ARHGAP32: variants seen among roughly 807,000 people sequenced by gnomAD.
ARHGAP32 encodes the protein Rho GTPase activating protein 32.
Under a neutral mutation model 186.5 loss-of-function variants are expected in ARHGAP32, and 51 were observed. That is an observed-to-expected ratio of 0.27 (90% CI 0.22 to 0.35). ARHGAP32 has a LOEUF of 0.35. ARHGAP32 is among the 10% of genes least tolerant of loss of function. ARHGAP32 has a pLI of 1.00. For missense variants in ARHGAP32, 2,186 were observed against 2,623.5 expected (o/e 0.83, Z 3.64); for synonymous variants, 950 against 964.3 (o/e 0.99, Z 0.27).
intron 10 of ARHGAP32, among the ~76,000 whole-genome samples, chr11:129,052,985 G>A (rs911402785): frequency 1.3e-5 from 2 of 151,898 alleles, no homozygotes; most frequent in Non-Finnish European, 2.9e-5. Flanking sequence ...CAGCCATTTT[G>A]TCAATAATTT....
chr11:129,115,781 A>G (rs1380522274), intron 5 of ARHGAP32, among the ~76,000 whole-genome samples: 1 of 152,032 alleles, frequency 6.6e-6, no homozygotes, highest in Non-Finnish European at 1.5e-5. Flanking sequence ...CTCTCCCCCA[A>G]GCCATGTTTA....
At chr11:129,100,759 T>C (rs929719512) in intron 5 of ARHGAP32, among the ~76,000 whole-genome samples, 1 of 152,054 alleles carries the variant, frequency 6.6e-6, no homozygotes, top group Admixed American at 6.5e-5. Context: ...AGAAGGCACC[T>C]AGACCTGCGC....
intron 2 of ARHGAP32, among the ~76,000 whole-genome samples, chr11:129,159,395 C>T (rs1943481502): frequency 6.6e-6 from 1 of 152,104 alleles, no homozygotes; most frequent in African/African-American, 2.4e-5. Context: ...CACAGAAATA[C>T]AAACTACAAT....
At chr11:129,141,725 G>A (rs1278610795) in intron 2 of ARHGAP32, among the ~76,000 whole-genome samples, 1 of 148,792 alleles carries the variant, frequency 6.7e-6, no homozygotes, top group Non-Finnish European at 1.5e-5. Context: ...AAAACTCTCT[G>A]CATTGTAAAA....
intron 11 of ARHGAP32, among the ~76,000 whole-genome samples, chr11:129,012,984 G>C (rs493172): frequency 0.14 from 21,287 of 152,188 alleles, 1,589 homozygotes; most frequent in Middle Eastern, 0.17. Flanking sequence ...CTAGTCAAAA[G>C]CAGTCTGTGC....
At chr11:129,235,450 A>G (rs1304153892) in intron 1 of ARHGAP32, among the ~76,000 whole-genome samples, 1 of 152,204 alleles carries the variant, frequency 6.6e-6, no homozygotes, top group East Asian at 1.9e-4. Flanking sequence ...CATCATCTGT[A>G]GCAAAAGTAA....
intron 1 of ARHGAP32, among the ~76,000 whole-genome samples, chr11:129,200,049 T>C (rs1362429984): frequency 1.3e-5 from 2 of 152,178 alleles, no homozygotes; most frequent in East Asian, 3.8e-4. Flanking sequence ...TGTAGCCCCT[T>C]TGGTTTGGCC....
chr11:129,184,947 A>G (rs1055078697), intron 1 of ARHGAP32, among the ~76,000 whole-genome samples: 3 of 152,214 alleles, frequency 2.0e-5, no homozygotes, highest in Non-Finnish European at 4.4e-5. Context: ...ACATTAAGAT[A>G]GAATGTGATA....
chr11:129,211,135 T>C (rs1365916666), intron 1 of ARHGAP32, among the ~76,000 whole-genome samples: 1 of 152,166 alleles, frequency 6.6e-6, no homozygotes, highest in African/African-American at 2.4e-5. Context: ...AAATCCTATA[T>C]TTACTGTAAT....
chr11:129,195,313 C>A (rs74383494), upstream of ARHGAP32, among the ~76,000 whole-genome samples: 29 of 152,132 alleles, frequency 1.9e-4, no homozygotes, highest in African/African-American at 6.5e-4. Context: ...TTCACCTTTT[C>A]TTTTAATCAT....
Position 129,128,150 on chromosome 11 carries a change from C to T in ARHGAP32, c.226-3256G>A, listed in dbSNP as rs502141. ...CCACCTAGTCTGTTTAATCCTATAC[C>T]GATAATTTTGCCAAATGCTGATACT... On this transcript the variant is annotated intron_variant, in intron 2 of 22. Coordinates refer to ENST00000682385, the MANE Select transcript of ARHGAP32 (RefSeq NM_001378024.1). Among the ~76,000 whole-genome samples, 1,170 of 152,264 alleles carry T rather than the reference C, an allele frequency of 7.7e-3. 8 individuals are homozygous for T. The highest frequency in any genetic ancestry group is 0.013 in the Non-Finnish European group (916 of 68,020).
intron 6 of ARHGAP32, among the ~76,000 whole-genome samples, chr11:129,075,729 T>C (rs1188931892): frequency 2.0e-5 from 3 of 152,162 alleles, no homozygotes; most frequent in Non-Finnish European, 4.4e-5. Flanking sequence ...GAACAGTCAC[T>C]GTATCTTGGG....
intron 5 of ARHGAP32, among the ~76,000 whole-genome samples, chr11:129,120,275 G>A (rs1282706532): frequency 6.6e-6 from 1 of 152,068 alleles, no homozygotes; most frequent in Non-Finnish European, 1.5e-5. Context: ...CTCGGGAACT[G>A]AAAGGATAGA....
intron 5 of ARHGAP32, among the ~76,000 whole-genome samples, chr11:129,117,974 T>G (rs910176235): frequency 6.6e-6 from 1 of 152,018 alleles, no homozygotes; most frequent in Admixed American, 6.6e-5. Context: ...TGCAGAATTT[T>G]AAACTACATG....
At chr11:129,110,159 TGG>T (rs1293099520) in intron 5 of ARHGAP32, among the ~76,000 whole-genome samples, 1 of 152,156 alleles carries the variant, frequency 6.6e-6, no homozygotes, top group Admixed American at 6.5e-5. Context: ...CTTCTACATG[TGG>T]ACATCCACTT....
At chr11:129,122,482 T>C (rs1366987392) in intron 5 of ARHGAP32, among the ~76,000 whole-genome samples, 1 of 152,164 alleles carries the variant, frequency 6.6e-6, no homozygotes, top group East Asian at 1.9e-4. Flanking sequence ...CAGTTCTTCC[T>C]GACCTAAGAA....
chr11:129,149,670 A>G (rs1943246688), intron 2 of ARHGAP32, among the ~76,000 whole-genome samples: 1 of 152,172 alleles, frequency 6.6e-6, no homozygotes, highest in Admixed American at 6.5e-5. Flanking sequence ...CCACTTAAAC[A>G]GACTACCAAA....
intron 2 of ARHGAP32, among the ~76,000 whole-genome samples, chr11:129,131,573 C>T (rs1942811427): frequency 6.6e-6 from 1 of 151,916 alleles, no homozygotes; most frequent in Non-Finnish European, 1.5e-5. Flanking sequence ...CACCCAAAAC[C>T]ACTTTTAAGC....
chr11:129,078,976 A>G (rs1181033234), intron 6 of ARHGAP32, among the ~76,000 whole-genome samples: 3 of 152,146 alleles, frequency 2.0e-5, no homozygotes, highest in Non-Finnish European at 4.4e-5. Context: ...TAGACTGGAA[A>G]TTTTCAACAA....
Sources: gnomAD v4.1 joint callset for allele counts (sites outside exome capture counted in the v4.1 genomes callset) on GRCh38, gnomAD v4.1.1 for gene constraint, MANE v1.5 for transcripts, NCBI Gene and HGNC (gene_info 2026-07-23, HGNC 2026-07-21) for gene names.